PHF21B: variants seen among roughly 807,000 people sequenced by gnomAD.
The protein encoded by PHF21B is PHD finger protein 4.
PHF21B carries 22 observed loss-of-function variants against 62.2 expected under a neutral mutation model. The ratio of observed to expected loss-of-function variants is 0.35; its 90% CI spans 0.25 to 0.51. The LOEUF (loss-of-function observed/expected upper bound fraction) is 0.51. Ranked by LOEUF, PHF21B falls within the 20% of genes least tolerant of loss-of-function variation. The pLI, the probability that PHF21B is intolerant of heterozygous loss-of-function variation, is 0.97. For missense variants in PHF21B, 701 were observed against 707.9 expected (o/e 0.99, Z 0.11); for synonymous variants, 341 against 314.7 (o/e 1.08, Z -0.88).
At chr22:44,911,672 T>C (rs1219770032) in intron 5 of PHF21B, among the ~76,000 whole-genome samples, 6 of 152,224 alleles carry the variant, frequency 3.9e-5, no homozygotes, top group African/African-American at 1.4e-4. Flanking sequence ...ATGGAAATGC[T>C]TGGATATACA....
At chr22:44,895,127 G>A (rs1297259261) in intron 6 of PHF21B, among the ~76,000 whole-genome samples, 3 of 152,208 alleles carry the variant, frequency 2.0e-5, no homozygotes, top group African/African-American at 7.2e-5. Flanking sequence ...GGTGAGGTGG[G>A]TGTGGTGGAA....
intron 10 of PHF21B, among the ~76,000 whole-genome samples, chr22:44,886,197 G>C (rs5766169): frequency 6.6e-6 from 1 of 152,080 alleles, no homozygotes; most frequent in East Asian, 1.9e-4. Context: ...AATACTTCTC[G>C]AACGAACGAA....
chr22:44,886,074 G>A (rs2070852007), intron 10 of PHF21B, 136 bp from the exon 11 acceptor site: 1 of 714,532 alleles, frequency 1.4e-6, no homozygotes, highest in Non-Finnish European at 2.3e-6. Flanking sequence ...CAGGAGCTGG[G>A]GCCGCACATG....
In PHF21B at chr22:45,009,181, G is replaced by C. The variant is rs2073380967; in HGVS notation, c.54+315C>G. On this transcript the variant is annotated intron_variant, in intron 1 of 12. Transcript: ENST00000313237. This position sits in a 1 kb window ranked among gnomAD's most constrained non-coding sequence, Gnocchi z 5.9. ...GGGGCCTATTCGCACTCCCCTCCCC[G>C]GGACCGGCTCACGAAGGGGCCCCCT... is the stretch of plus-strand genomic sequence containing the variant. 5 of 440,568 alleles carry C rather than the reference G, an allele frequency of 1.1e-5. No individual in the cohort carries two copies. Among genetic ancestry groups the C allele is most frequent in the Admixed American group, 4.8e-5 (1 of 20,918 alleles). The allele number at this position is 440,568 out of a possible 1,614,324, so 27.3% of individuals were successfully genotyped here.
intron 12 of PHF21B, 96 bp downstream of exon 12, chr22:44,885,330 C>A: frequency 1.7e-6 from 2 of 1,207,382 alleles, no homozygotes; most frequent in South Asian, 1.5e-5. Context: ...CAGCCTGGAT[C>A]TACACCTGTG....
intron 5 of PHF21B, among the ~76,000 whole-genome samples, chr22:44,910,443 C>A (rs1352384504): frequency 6.6e-6 from 1 of 152,140 alleles, no homozygotes; most frequent in Non-Finnish European, 1.5e-5. Context: ...GTGTCCCCAT[C>A]CAAATCTCAT....
chr22:44,982,101 C>T (rs959029653), intron 2 of PHF21B, among the ~76,000 whole-genome samples: 2 of 152,246 alleles, frequency 1.3e-5, no homozygotes, highest in Admixed American at 1.3e-4. Flanking sequence ...GGGGTCATGG[C>T]ACACAGGTTC....
chr22:44,885,715 G>C (rs2070845343), intron 11 of PHF21B, 148 bp downstream of exon 11: 3 of 1,053,928 alleles, frequency 2.8e-6, no homozygotes, highest in Admixed American at 2.2e-5. Flanking sequence ...CCCGGACACA[G>C]GACCGGTCCC....
At chr22:44,937,975 A>G (rs1168839606) in intron 2 of PHF21B, among the ~76,000 whole-genome samples, 4 of 152,282 alleles carry the variant, frequency 2.6e-5, no homozygotes, top group Admixed American at 2.6e-4. Flanking sequence ...ATTTTGGAGT[A>G]TAAGTTACCT....
intron 5 of PHF21B, among the ~76,000 whole-genome samples, chr22:44,906,294 T>C (rs1284533720): frequency 6.6e-6 from 1 of 152,114 alleles, no homozygotes; most frequent in Non-Finnish European, 1.5e-5. Context: ...GGGAGTGACT[T>C]AGTTATTTCT....
intron 2 of PHF21B, among the ~76,000 whole-genome samples, chr22:44,989,742 T>C (rs1333000102): frequency 6.6e-6 from 1 of 151,330 alleles, no homozygotes; most frequent in African/African-American, 2.4e-5. Context: ...CCTTAGCAGC[T>C]GGGATTACAG....
chr22:45,008,957 A>C, intron 1 of PHF21B: 6 of 1,078,706 alleles, frequency 5.6e-6, no homozygotes, highest in Non-Finnish European at 6.7e-6. Context: ...AGAGCCAAGT[A>C]AACACGGCGA....
chr22:44,945,715 T>C (rs551785743), intron 2 of PHF21B, among the ~76,000 whole-genome samples: 251 of 18,394 alleles, frequency 0.014, no homozygotes, highest in Non-Finnish European at 0.016. Context: ...GTTGGCAGAA[T>C]TGGGGGGGGG....
At chr22:44,946,653 G>A (rs1367280040) in intron 2 of PHF21B, among the ~76,000 whole-genome samples, 2 of 152,042 alleles carry the variant, frequency 1.3e-5, no homozygotes, top group South Asian at 2.1e-4. Context: ...GTGGATGGAC[G>A]GTGCGTGGGT....
intron 2 of PHF21B, among the ~76,000 whole-genome samples, chr22:44,949,552 T>A (rs896124279): frequency 6.6e-6 from 1 of 152,174 alleles, no homozygotes; most frequent in Non-Finnish European, 1.5e-5. Flanking sequence ...GTTGAGCAGG[T>A]TGAATACGTC....
At chr22:44,888,307 G>A (rs959869368) in intron 9 of PHF21B, among the ~76,000 whole-genome samples, 186 bp from the exon 10 acceptor site, 2 of 152,194 alleles carry the variant, frequency 1.3e-5, no homozygotes, top group Non-Finnish European at 1.5e-5. Flanking sequence ...GGTCAGGCCT[G>A]GGCCCTGGGA....
intron 2 of PHF21B, among the ~76,000 whole-genome samples, chr22:44,976,963 C>T (rs1267667822): frequency 1.3e-5 from 2 of 151,986 alleles, no homozygotes; most frequent in African/African-American, 4.8e-5. Flanking sequence ...CATGGCAAAA[C>T]CCTGTGTCTA....
intron 2 of PHF21B, among the ~76,000 whole-genome samples, chr22:44,978,187 A>G (rs1176882250): frequency 1.2e-4 from 19 of 152,086 alleles, no homozygotes; most frequent in Non-Finnish European, 2.9e-5. Context: ...CAGGAGATGT[A>G]CATCTCCCCT....
chr22:44,899,808 T>A (rs534515573), intron 5 of PHF21B, among the ~76,000 whole-genome samples: 1 of 152,232 alleles, frequency 6.6e-6, no homozygotes, highest in Non-Finnish European at 1.5e-5. Context: ...TGTGTTGCTA[T>A]GAAGATTAGT....
Sources: allele counts gnomAD v4.1 joint callset (sites outside exome capture counted in the v4.1 genomes callset), GRCh38; gene constraint gnomAD v4.1.1; non-coding constraint Gnocchi (gnomAD v3.1); transcripts MANE v1.5; gene names NCBI Gene and HGNC (gene_info 2026-07-23, HGNC 2026-07-21).